The following RIN3 variants were observed in gnomAD, a reference collection of about 807,000 sequenced individuals.
RIN3 encodes the protein RAB5 interacting protein 3.
A neutral mutation model predicts 76.3 loss-of-function variants in RIN3; 54 were observed. The observed-to-expected ratio is 0.71, with a 90% confidence interval of 0.57 to 0.89. The LOEUF (loss-of-function observed/expected upper bound fraction) is 0.89. RIN3 is among the 40% of genes least tolerant of loss of function. The probability of loss-of-function intolerance (pLI) is 0.00; values close to 1 mark genes in which losing one functional copy is unlikely to be tolerated. For synonymous variants in RIN3, 576 were observed against 564.0 expected, an observed-to-expected ratio of 1.02 and a Z score of -0.30; for missense variants, 1,256 against 1,322.1, an observed-to-expected ratio of 0.95 and a Z score of 0.78.
Position 92,514,823 on chromosome 14 carries a change from A to G in RIN3, c.44+847A>G, listed in dbSNP as rs1488250115. On this transcript the variant is annotated intron_variant, in intron 1 of 9. Coordinates refer to ENST00000216487, the MANE Select transcript of RIN3 (RefSeq NM_024832.5). The surrounding 1 kb of genome is among the most constrained non-coding windows in gnomAD (Gnocchi z 7.2). The stretch of plus-strand genomic sequence containing the variant: ...CGTCCTGAGAAGCTTCAGGTGTTGT[A>G]GAGACGCCCGGTCGGAGGCGGATTC... Among the ~76,000 whole-genome samples, 5 of 152,204 alleles carry G rather than the reference A, an allele frequency of 3.3e-5. No individual in the cohort carries two copies. Among genetic ancestry groups the G allele is most frequent in the Non-Finnish European group, 1.5e-5 (1 of 68,032 alleles).
intron 3 of RIN3, among the ~76,000 whole-genome samples, chr14:92,612,305 G>T (rs1367107328): frequency 6.6e-6 from 1 of 152,188 alleles, no homozygotes; most frequent in African/African-American, 2.4e-5. Context: ...ACAGGACAGG[G>T]GGCAGTCTAG....
chr14:92,651,283 G>A (rs560490017), intron 5 of RIN3, among the ~76,000 whole-genome samples: 2 of 152,178 alleles, frequency 1.3e-5, no homozygotes, highest in African/African-American at 4.8e-5. Context: ...TGTCATCAAT[G>A]CCCTCCAATG....
intron 3 of RIN3, among the ~76,000 whole-genome samples, chr14:92,600,284 G>A (rs1219349693): frequency 6.6e-6 from 1 of 152,144 alleles, no homozygotes; most frequent in African/African-American, 2.4e-5. Flanking sequence ...TGTAGTTGTG[G>A]GATGCAGTTA....
At position 92,651,717 on chromosome 14, in the gene RIN3, T is replaced by A. The variant is rs373419235; in HGVS notation, c.668T>A (p.Ile223Asn). ...CATGACGCAAACTGTGCCTGTGAAA[T>A]CGAGCTGTCGGTAGGAAATGACCGC... is the stretch of plus-strand genomic sequence containing the variant. ...TAHDANCACEIELSVGNDRLW... is the reference protein window; with the variant it reads ...TAHDANCACENELSVGNDRLW... Residue 223 changes from isoleucine to asparagine, a missense_variant, in exon 6 of 10, where the codon ATC becomes AAC. By Grantham distance (149) the Ile-to-Asn change is moderately radical (BLOSUM62 -3). Coordinates refer to ENST00000216487, the MANE Select transcript of RIN3 (RefSeq NM_024832.5). The A allele has an allele frequency of 7.9e-5, 127 of 1,613,926 alleles. No homozygotes were observed. The highest frequency in any genetic ancestry group is 1.1e-4 in the Non-Finnish European group (124 of 1,180,000).
chr14:92,588,379 C>T (rs1216120041), intron 3 of RIN3, among the ~76,000 whole-genome samples: 4 of 151,932 alleles, frequency 2.6e-5, no homozygotes, highest in South Asian at 2.1e-4. Flanking sequence ...AGGCATGTGC[C>T]GCCGCCCCTG....
rs1243010857 is a variant in RIN3, at chr14:92,641,309, C to T, written c.512C>T (p.Thr171Ile). ...GCCAGCAGCTTCACGGACCTTGAGA[C>T]CATCGCCAACCTGGGTCTGGGTGAG... The part of the protein sequence containing the change: ...LEASSFTDLE[T>I]IANLGLGFWD... Residue 171 changes from threonine to isoleucine, a missense_variant, in exon 5 of 10, where the codon ACC (threonine) becomes ATC (isoleucine). This residue lies in a region of RIN3 where 610 missense variants were observed against 626.4 expected (regional missense o/e 0.97). Transcript: ENST00000216487. 6.2e-7 allele frequency: 1 copy of T among 1,613,778 alleles called. No homozygotes were observed. The highest frequency in any genetic ancestry group is 1.3e-5 in the African/African-American group (1 of 74,894).
At chr14:92,657,727 G>A (rs1007300449) in intron 6 of RIN3, among the ~76,000 whole-genome samples, 4 of 152,216 alleles carry the variant, frequency 2.6e-5, no homozygotes, top group African/African-American at 9.6e-5. Flanking sequence ...AGGTCGGGAG[G>A]TGGGCGTGGA....
chr14:92,601,980 T>C (rs1032299718), intron 3 of RIN3, among the ~76,000 whole-genome samples: 2 of 152,218 alleles, frequency 1.3e-5, no homozygotes, highest in African/African-American at 4.8e-5. Context: ...ACTTGCTCAA[T>C]ACGAAGAGCA....
intron 1 of RIN3, among the ~76,000 whole-genome samples, chr14:92,529,484 G>A (rs1258438958): frequency 2.0e-5 from 3 of 151,972 alleles, no homozygotes; most frequent in Admixed American, 6.6e-5. Context: ...TCCTGACCTC[G>A]TGATCCGCCC....
intron 7 of RIN3, 93 bp from the exon 8 acceptor site, chr14:92,676,382 C>T: frequency 6.9e-7 from 1 of 1,439,648 alleles, no homozygotes; most frequent in Non-Finnish European, 9.6e-7. Context: ...TCGCCATCCA[C>T]ACTCAGCAAA....
At chr14:92,679,017 G>T (rs967900983) in intron 8 of RIN3, among the ~76,000 whole-genome samples, 1 of 152,210 alleles carries the variant, frequency 6.6e-6, no homozygotes, top group Non-Finnish European at 1.5e-5. Context: ...GGCCTCCTGG[G>T]ATCCTTCTTC....
At position 92,514,828 on chromosome 14, in the gene RIN3, C is replaced by T. The variant is rs1896394947; in HGVS notation, c.44+852C>T. ...TGAGAAGCTTCAGGTGTTGTAGAGA[C>T]GCCCGGTCGGAGGCGGATTCCCGGG... On this transcript the variant is annotated intron_variant, in intron 1 of 9. Transcript: ENST00000216487. The surrounding 1 kb of genome is among the most constrained non-coding windows in gnomAD (Gnocchi z 7.2). Among the ~76,000 whole-genome samples the T allele has an allele frequency of 6.6e-6, 1 of 152,220 alleles. No individual in the cohort carries two copies. The highest frequency in any genetic ancestry group is 2.4e-5 in the African/African-American group (1 of 41,472).
intron 4 of RIN3, among the ~76,000 whole-genome samples, chr14:92,638,806 C>T (rs945992680): frequency 1.4e-4 from 22 of 152,114 alleles, no homozygotes; most frequent in South Asian, 2.1e-4. Context: ...GTCAGCTGGC[C>T]GGTCCCCAGA....
In RIN3 at chr14:92,513,973, C is replaced by T. The variant is rs1268347099; in HGVS notation, c.41C>T (p.Thr14Met). The change falls in exon 1 of 10, where the codon ACG becomes ATG. Residue 14 changes from threonine to methionine, a missense_variant. By Grantham distance (81) the Thr-to-Met change is moderately conservative. Around this residue, in one of 3 missense-constraint regions of RIN3, gnomAD observed 610 missense variants for 626.4 expected, o/e 0.97. Coordinates refer to ENST00000216487, the MANE Select transcript of RIN3 (RefSeq NM_024832.5). ...GGGGCGCCCGCGCGCGGGGACCCCA[C>T]GGGGTAAGTCCGGGCGGCCGCCCCC... ...HAGAPARGDP[T>M]GPVPVVGKGE... 5.6e-6 allele frequency: 7 copies of T among 1,243,366 alleles called. No individual in the cohort carries two copies. Among genetic ancestry groups the T allele is most frequent in the African/African-American group, 1.6e-5 (1 of 64,358 alleles). The allele number at this position is 1,243,366 out of a possible 1,614,324, so 77.0% of individuals were successfully genotyped here.
intron 7 of RIN3, among the ~76,000 whole-genome samples, chr14:92,666,757 A>T (rs1888119107): frequency 6.6e-6 from 1 of 152,130 alleles, no homozygotes; most frequent in African/African-American, 2.4e-5. Flanking sequence ...CCTCTTCAAG[A>T]TGGGAGGGGG....
At chr14:92,611,618 G>A (rs1050170702) in intron 3 of RIN3, among the ~76,000 whole-genome samples, 2 of 152,150 alleles carry the variant, frequency 1.3e-5, no homozygotes, top group African/African-American at 2.4e-5. Context: ...TGCAGTATGA[G>A]GTCAGCTTGG....
intron 5 of RIN3, among the ~76,000 whole-genome samples, chr14:92,649,945 C>A (rs1038844544): frequency 2.0e-5 from 3 of 152,172 alleles, no homozygotes; most frequent in Admixed American, 1.3e-4. Context: ...TTTCTTCAGT[C>A]CCTTTGTCCT....
At chr14:92,553,007 G>A (rs1006663709) in intron 1 of RIN3, among the ~76,000 whole-genome samples, 2 of 140,124 alleles carry the variant, frequency 1.4e-5, no homozygotes, top group Middle Eastern at 3.8e-3. Flanking sequence ...CTGTTTGATC[G>A]CAGCTTTGGT....
chr14:92,637,340 T>C (rs1886812658), intron 4 of RIN3, among the ~76,000 whole-genome samples: 2 of 152,058 alleles, frequency 1.3e-5, no homozygotes, highest in South Asian at 4.1e-4. Flanking sequence ...GCAGGGTTCA[T>C]GCTTCTATGA....
Sources: allele counts gnomAD v4.1 joint callset (sites outside exome capture counted in the v4.1 genomes callset), GRCh38; gene constraint gnomAD v4.1.1; regional missense constraint gnomAD v4.1.1; non-coding constraint Gnocchi (gnomAD v3.1); transcripts MANE v1.5; gene names NCBI Gene and HGNC (gene_info 2026-07-23, HGNC 2026-07-21).